Variants in PLEKHA6 observed in about 807,000 individuals in gnomAD.
The protein encoded by PLEKHA6 is pleckstrin homology domain-containing family A member 6.
PLEKHA6 carries 60 observed loss-of-function variants against 116.7 expected under a neutral mutation model. The observed-to-expected ratio is 0.51, with a 90% CI of 0.42 to 0.64. PLEKHA6 has a LOEUF of 0.64. Among genes scored for constraint, PLEKHA6 ranks in the 30% least tolerant of loss-of-function variants. PLEKHA6 has a pLI of 0.00. For synonymous variants in PLEKHA6, 489 were observed against 556.1 expected (o/e 0.88, Z 1.70); for missense variants, 1,338 against 1,422.7 (o/e 0.94, Z 0.96).
chr1:204,323,218 G>A (rs1027151085), intron 1 of PLEKHA6, among the ~76,000 whole-genome samples: 1 of 152,204 alleles, frequency 6.6e-6, no homozygotes, highest in Non-Finnish European at 1.5e-5. Context: ...GCCTGGGGGA[G>A]GCCCCCCTCT....
At position 204,249,236 on chromosome 1, in the gene PLEKHA6, T is replaced by C; in HGVS notation, c.1622A>G (p.Asn541Ser). Residue 541 changes from asparagine to serine, a missense_variant, in exon 11 of 23, where the codon AAC (asparagine) becomes AGC (serine). Asn to Ser is a conservative substitution (Grantham distance 46). This residue lies in a region of PLEKHA6 where 1,136 missense variants were observed against 1,163.6 expected (regional missense o/e 0.98). Coordinates refer to ENST00000272203, the MANE Select transcript of PLEKHA6 (RefSeq NM_014935.5). ...CCGGTCCTGCTCCCTCACCACCTTG[T>C]TCTGCTCACACAATTTTCCCAGCAG... ...DKLLGKLCEQ[N>S]KVVREQDRLV... 6.2e-7 allele frequency: 1 copy of C among 1,613,894 alleles called. No individual in the cohort carries two copies. Among genetic ancestry groups the C allele is most frequent in the Non-Finnish European group, 8.5e-7 (1 of 1,179,730 alleles).
chr1:204,234,978 AT>A (rs1558031037), intron 17 of PLEKHA6, among the ~76,000 whole-genome samples: 9,242 of 92,440 alleles, frequency 0.1, 1,842 homozygotes, highest in African/African-American at 0.36. Context: ...ATATATATAT[AT>A]ATATATATAT....
intron 1 of PLEKHA6, among the ~76,000 whole-genome samples, chr1:204,345,566 G>A (rs1308494663): frequency 6.6e-6 from 1 of 152,042 alleles, no homozygotes. Context: ...TGAGGCAGAT[G>A]TCACAGGATC....
At chr1:204,346,420 G>A (rs1008974806) in intron 1 of PLEKHA6, among the ~76,000 whole-genome samples, 2 of 152,092 alleles carry the variant, frequency 1.3e-5, no homozygotes, top group Non-Finnish European at 2.9e-5. Context: ...CCTGAGGGTG[G>A]CCAGCCGGGC....
chr1:204,305,322 G>T (rs1671193482), intron 1 of PLEKHA6, among the ~76,000 whole-genome samples: 2 of 152,182 alleles, frequency 1.3e-5, no homozygotes, highest in African/African-American at 2.4e-5. Context: ...GTAGAGGGAG[G>T]TGCATGCAGT....
At chr1:204,365,426 T>C (rs998414152) in intron 3 of PLEKHA6, among the ~76,000 whole-genome samples, 1 of 151,676 alleles carries the variant, frequency 6.6e-6, no homozygotes, top group African/African-American at 2.4e-5. Context: ...GAGAAGTGGG[T>C]GGGTTGAGAG....
chr1:204,331,021 C>T (rs895643602), intron 1 of PLEKHA6, among the ~76,000 whole-genome samples: 3 of 152,024 alleles, frequency 2.0e-5, no homozygotes, highest in Admixed American at 2.0e-4. Flanking sequence ...ATGACGAAAC[C>T]CCATCTCCAC....
intron 1 of PLEKHA6, among the ~76,000 whole-genome samples, chr1:204,350,825 C>G (rs1290344477): frequency 6.6e-6 from 1 of 152,214 alleles, no homozygotes; most frequent in Non-Finnish European, 1.5e-5. Flanking sequence ...CAAGACGACT[C>G]ACACTGCAAA....
chr1:204,323,461 G>A (rs1259750100), intron 1 of PLEKHA6, among the ~76,000 whole-genome samples: 1 of 152,230 alleles, frequency 6.6e-6, no homozygotes, highest in Admixed American at 6.5e-5. Flanking sequence ...AAGGCAAGTG[G>A]CCTTTGCCCC....
At chr1:204,315,764 G>A (rs4951066) in intron 1 of PLEKHA6, among the ~76,000 whole-genome samples, 76,908 of 151,942 alleles carry the variant, frequency 0.51, 20,038 homozygotes, top group Middle Eastern at 0.62. Context: ...CCATCCTCCC[G>A]TGACAGGCAG....
At chr1:204,271,817 C>T (rs1667481267) in intron 3 of PLEKHA6, among the ~76,000 whole-genome samples, 1 of 152,216 alleles carries the variant, frequency 6.6e-6, no homozygotes, top group South Asian at 2.1e-4. Flanking sequence ...CCAGATGATC[C>T]TTTGAAATTA....
chr1:204,264,861 T>C (rs1375187636), intron 6 of PLEKHA6, 81 bp downstream of exon 6: 8 of 1,017,580 alleles, frequency 7.9e-6, no homozygotes, highest in Non-Finnish European at 1.3e-5. Context: ...GCGATGGCTC[T>C]TGGCCCTTCT....
intron 3 of PLEKHA6, 141 bp downstream of exon 3, chr1:204,273,485 C>T: frequency 1.5e-6 from 1 of 654,242 alleles, no homozygotes; most frequent in Non-Finnish European, 2.7e-6. Context: ...TCTCCACTCT[C>T]TTCCTGGGTC....
At chr1:204,251,294 C>T (rs541019899) in intron 9 of PLEKHA6, among the ~76,000 whole-genome samples, 1 of 152,314 alleles carries the variant, frequency 6.6e-6, no homozygotes, top group Admixed American at 6.5e-5. Context: ...CCCAGCATGG[C>T]ATGAGATGTT....
Position 204,359,717 on chromosome 1 carries a change from C to T in PLEKHA6, c.-118G>A, listed in dbSNP as rs539689287. On this transcript the variant is annotated 5_prime_UTR_variant, in exon 1 of 23. Transcript: ENST00000272203. Reference sequence around the variant, plus strand: ...ACCGGCTTCTGAGGTGTGATCCCCGCGCTGGAAAGCTCTAACTCTGCGAGC... The same window carrying T: ...ACCGGCTTCTGAGGTGTGATCCCCGTGCTGGAAAGCTCTAACTCTGCGAGC... 3.1e-5 allele frequency: 30 copies of T among 977,284 alleles called. No homozygotes were observed. Among genetic ancestry groups the T allele is most frequent in the African/African-American group, 3.0e-4 (17 of 57,210 alleles). The allele number at this position is 977,284 out of a possible 1,614,324, so 60.5% of individuals were successfully genotyped here.
chr1:204,374,554 C>A (rs1188365744), intron 1 of PLEKHA6, among the ~76,000 whole-genome samples: 1 of 152,092 alleles, frequency 6.6e-6, no homozygotes, highest in East Asian at 1.9e-4. Flanking sequence ...AAGAGGTAGC[C>A]CTCTCTCCCC....
At chr1:204,307,168 A>G (rs1671397590) in intron 1 of PLEKHA6, among the ~76,000 whole-genome samples, 2 of 152,180 alleles carry the variant, frequency 1.3e-5, no homozygotes, top group Non-Finnish European at 1.5e-5. Flanking sequence ...TGCACCACAC[A>G]CACACTCACA....
intron 1 of PLEKHA6, among the ~76,000 whole-genome samples, chr1:204,351,999 G>C (rs1463287633): frequency 6.6e-6 from 1 of 152,126 alleles, no homozygotes; most frequent in Non-Finnish European, 1.5e-5. Flanking sequence ...GTTTGAACCT[G>C]GCAGGCGGAG....
At chr1:204,256,382 C>T (rs1399926940) in intron 9 of PLEKHA6, among the ~76,000 whole-genome samples, 2 of 152,226 alleles carry the variant, frequency 1.3e-5, no homozygotes, top group Admixed American at 6.5e-5. Context: ...TCAATCATAT[C>T]GCTTGTATCT....
Sources: allele counts gnomAD v4.1 joint callset (sites outside exome capture counted in the v4.1 genomes callset), GRCh38; gene constraint gnomAD v4.1.1; regional missense constraint gnomAD v4.1.1; transcripts MANE v1.5; gene names NCBI Gene and HGNC (gene_info 2026-07-23, HGNC 2026-07-21).